The following UGT8 variants were observed in gnomAD, a reference collection of about 807,000 sequenced individuals.
UGT8 encodes UDP glycosyltransferase 8.
Under a neutral mutation model 40.5 loss-of-function variants are expected in UGT8, and 12 were observed. That is an observed-to-expected ratio of 0.30 (90% confidence interval 0.19 to 0.48). The LOEUF (loss-of-function observed/expected upper bound fraction) is 0.48. Among genes scored for constraint, UGT8 ranks in the 20% least tolerant of loss-of-function variants. The pLI, the probability that UGT8 is intolerant of heterozygous loss-of-function variation, is 0.99. For synonymous variants in UGT8, 224 were observed against 240.4 expected, an observed-to-expected ratio of 0.93 and a Z score of 0.63; for missense variants, 513 against 648.7, an observed-to-expected ratio of 0.79 and a Z score of 2.27.
At chr4:114,620,905 G>A (rs150239906) in intron 1 of UGT8, among the ~76,000 whole-genome samples, 1 of 152,146 alleles carries the variant, frequency 6.6e-6, no homozygotes, top group Non-Finnish European at 1.5e-5. Context: ...AGTAAAAATA[G>A]ATATCAATTT....
At chr4:114,645,222 C>T (rs1733495325) in intron 2 of UGT8, among the ~76,000 whole-genome samples, 1 of 152,196 alleles carries the variant, frequency 6.6e-6, no homozygotes, top group South Asian at 2.1e-4. Context: ...AAGAGTTTCA[C>T]TACCAAGTTC....
intron 2 of UGT8, among the ~76,000 whole-genome samples, chr4:114,628,388 C>T (rs1289328705): frequency 6.6e-6 from 1 of 152,050 alleles, no homozygotes; most frequent in Non-Finnish European, 1.5e-5. Context: ...GATTCAGCCA[C>T]CTTGGCTTCT....
chr4:114,623,558 A>G lies in UGT8; in HGVS notation c.678A>G (p.Pro226=), dbSNP rs6851610. The part of the protein sequence containing the change: ...ERIMQKYNLL[P]EKSMYDLVHG... ...TAATGCAGAAGTACAACCTGCTGCC[A>G]GAGAAGTCCATGTATGATTTGGTTC... Residue 226 remains proline, a synonymous_variant, in exon 2 of 6, where the codon CCA becomes CCG. Coordinates refer to ENST00000310836, the MANE Select transcript of UGT8 (RefSeq NM_001128174.3). 1 allele frequency: 1,607,067 copies of G among 1,614,046 alleles called. 800,282 individuals carry two copies. Among genetic ancestry groups the G allele is most frequent in the East Asian group, 1 (44,854 of 44,856 alleles).
At chr4:114,670,130 C>T (rs1179703505) in intron 5 of UGT8, among the ~76,000 whole-genome samples, 1 of 152,036 alleles carries the variant, frequency 6.6e-6, no homozygotes, top group Non-Finnish European at 1.5e-5. Context: ...AACTTCAGGC[C>T]AATATCGCTG....
intron 1 of UGT8, among the ~76,000 whole-genome samples, chr4:114,614,547 G>C (rs1034475678): frequency 1.7e-4 from 26 of 152,116 alleles, no homozygotes; most frequent in Admixed American, 2.0e-4. Context: ...TAGAAATTTT[G>C]ACCAAAAGCT....
chr4:114,601,130 G>A (rs1156759937), intron 1 of UGT8, among the ~76,000 whole-genome samples: 1 of 152,122 alleles, frequency 6.6e-6, no homozygotes, highest in Admixed American at 6.5e-5. Flanking sequence ...GACTATGCTT[G>A]TTGTATTTAA....
At chr4:114,605,488 A>G (rs984392483) in intron 1 of UGT8, among the ~76,000 whole-genome samples, 8 of 152,154 alleles carry the variant, frequency 5.3e-5, no homozygotes, top group Non-Finnish European at 1.0e-4. Context: ...TATGTGCTTG[A>G]TTTGGGAATA....
intron 4 of UGT8, among the ~76,000 whole-genome samples, chr4:114,665,968 G>A (rs189020720): frequency 6.6e-6 from 1 of 152,114 alleles, no homozygotes; most frequent in East Asian, 1.9e-4. Context: ...TTTGTAAAAT[G>A]TAAACCTTTG....
At chr4:114,629,573 A>G (rs1214912860) in intron 2 of UGT8, among the ~76,000 whole-genome samples, 1 of 152,228 alleles carries the variant, frequency 6.6e-6, no homozygotes, top group Non-Finnish European at 1.5e-5. Flanking sequence ...TTTTGTAGTA[A>G]GAAACCAAAT....
At chr4:114,614,041 C>A (rs1041947638) in intron 1 of UGT8, among the ~76,000 whole-genome samples, 29 of 152,060 alleles carry the variant, frequency 1.9e-4, no homozygotes, top group African/African-American at 6.8e-4. Flanking sequence ...ATCTTACCTT[C>A]CTGCTTAATG....
At chr4:114,604,148 A>G (rs1022638798) in intron 1 of UGT8, among the ~76,000 whole-genome samples, 1 of 152,124 alleles carries the variant, frequency 6.6e-6, no homozygotes, top group African/African-American at 2.4e-5. Context: ...TGGCATATGC[A>G]TTGTGTTTAA....
chr4:114,625,509 TAAAAAAAAAAAAAA>T (rs767102968), intron 2 of UGT8, among the ~76,000 whole-genome samples: 1 of 75,274 alleles, frequency 1.3e-5, no homozygotes, highest in African/African-American at 5.2e-5. Context: ...AGACCCTGTC[TAAAAAAAAAAAAAA>T]AAAAAAAAAA....
At chr4:114,624,287 A>G (rs975071856) in intron 2 of UGT8, among the ~76,000 whole-genome samples, 14 of 152,242 alleles carry the variant, frequency 9.2e-5, no homozygotes, top group African/African-American at 3.4e-4. Context: ...TGATGGAATC[A>G]ATGGCACTTT....
rs1735653978 is a variant in UGT8 at position 114,676,478 on chromosome 4, T to C, written c.*190T>C. On this transcript the variant is annotated 3_prime_UTR_variant, in exon 6 of 6. Transcript: ENST00000310836. ...ACAAACCTAAAATGCAGAAATGTAT[T>C]TTATTCAAATACTGATGTAGAGAGT... 1.1e-5 allele frequency: 6 copies of C among 526,210 alleles called. No homozygotes were observed. The East Asian group carries it at 1.6e-4, about 14-fold the overall frequency. 32.6% of individuals were successfully genotyped at this position (526,210 alleles called of 1,614,324 possible).
chr4:114,632,037 A>G (rs896883198), intron 2 of UGT8, among the ~76,000 whole-genome samples: 11 of 152,200 alleles, frequency 7.2e-5, no homozygotes, highest in Non-Finnish European at 1.5e-5. Flanking sequence ...GTAATAGGTA[A>G]GGGCCTCAGA....
At chr4:114,610,203 C>T (rs989975175) in intron 1 of UGT8, among the ~76,000 whole-genome samples, 1 of 152,166 alleles carries the variant, frequency 6.6e-6, no homozygotes, top group African/African-American at 2.4e-5. Flanking sequence ...GGTTCCGACT[C>T]TGCCAGCGAA....
At chr4:114,663,065 C>T (rs1030485631) in intron 2 of UGT8, among the ~76,000 whole-genome samples, 2 of 151,776 alleles carry the variant, frequency 1.3e-5, no homozygotes, top group South Asian at 2.1e-4. Context: ...CCTCATGATG[C>T]ACCTGCCTTG....
chr4:114,647,546 A>C (rs762857303), intron 2 of UGT8, among the ~76,000 whole-genome samples: 11 of 151,966 alleles, frequency 7.2e-5, no homozygotes, highest in Non-Finnish European at 1.0e-4. Context: ...TTGTATTTTT[A>C]GTAGAGGCGG....
chr4:114,666,204 A>G (rs1054956626), intron 4 of UGT8, among the ~76,000 whole-genome samples: 15 of 152,158 alleles, frequency 9.9e-5, no homozygotes, highest in African/African-American at 3.6e-4. Flanking sequence ...TCTGAAACCA[A>G]AGAGAAGCAG....
Sources: allele counts gnomAD v4.1 joint callset (sites outside exome capture counted in the v4.1 genomes callset), GRCh38; gene constraint gnomAD v4.1.1; transcripts MANE v1.5; gene names NCBI Gene and HGNC (gene_info 2026-07-23, HGNC 2026-07-21).